Variants in EYS observed in about 807,000 individuals in gnomAD.
EYS encodes EGF-like photoreceptor maintenance factor.
Under a neutral mutation model 282.1 loss-of-function variants are expected in EYS, and 250 were observed. The ratio of observed to expected loss-of-function variants is 0.89; its 90% CI spans 0.80 to 0.98. The LOEUF is 0.98. Ranked by LOEUF, EYS falls within the 50% of genes least tolerant of loss-of-function variation. The pLI is 0.00. For missense variants in EYS, 4,016 were observed against 3,709.0 expected, an observed-to-expected ratio of 1.08 and a Z score of -2.15; for synonymous variants, 1,355 against 1,282.9, an observed-to-expected ratio of 1.06 and a Z score of -1.20.
At chr6:64,722,837 G>T (rs1321400372) in intron 22 of EYS, among the ~76,000 whole-genome samples, 1 of 152,006 alleles carries the variant, frequency 6.6e-6, no homozygotes, top group Admixed American at 6.6e-5. Flanking sequence ...ACATGAATAA[G>T]TTATATAAAG....
intron 19 of EYS, 104 bp downstream of exon 19, chr6:64,886,593 T>C (rs1201242580): frequency 2.2e-6 from 2 of 900,538 alleles, no homozygotes; most frequent in Non-Finnish European, 3.1e-6. Flanking sequence ...TTTTGCCCTG[T>C]TTGCATCTGG....
chr6:64,283,845 T>A (rs1317304980), intron 30 of EYS, among the ~76,000 whole-genome samples: 1 of 152,090 alleles, frequency 6.6e-6, no homozygotes, highest in East Asian at 1.9e-4. Context: ...AAACCCCTGA[T>A]AAACCCATCA....
At chr6:64,905,841 T>A (rs1486519169) in intron 16 of EYS, among the ~76,000 whole-genome samples, 1 of 152,058 alleles carries the variant, frequency 6.6e-6, no homozygotes, top group Non-Finnish European at 1.5e-5. Context: ...TTGGTATTAG[T>A]TGGAATAATT....
chr6:64,550,188 A>G (rs1367424480), intron 26 of EYS, among the ~76,000 whole-genome samples: 1 of 152,206 alleles, frequency 6.6e-6, no homozygotes. Flanking sequence ...ATAGTGGCGC[A>G]ATAAACATAC....
chr6:65,181,145 C>T lies in EYS; in HGVS notation c.2023+114718G>A, dbSNP rs539089501. 2.7e-3 allele frequency among the ~76,000 whole-genome samples: 409 copies of T among 152,078 alleles called. 5 individuals are homozygous for T. The highest frequency in any genetic ancestry group is 0.01 in the Middle Eastern group (3 of 294). ...GCAGTACCATTCAGGACATAGGCAT[C>T]GGCAAGGACTTCATGTCCAAAACAC... On this transcript the variant is annotated intron_variant, in intron 12 of 42. Coordinates refer to ENST00000503581, the MANE Select transcript of EYS (RefSeq NM_001142800.2).
rs1766387476 is a variant in EYS at position 64,590,960 on chromosome 6, G to T, written c.4907C>A (p.Ala1636Glu). The change falls in exon 26 of 43, where the codon GCA becomes GAA. Residue 1636 changes from alanine to glutamate, a missense_variant. Ala to Glu is a moderately radical substitution (Grantham distance 107). Coordinates refer to ENST00000503581, the MANE Select transcript of EYS (RefSeq NM_001142800.2). ...VPSLFPSKKSAKRTILSSSLE... is the reference protein window; with the variant it reads ...VPSLFPSKKSEKRTILSSSLE... ...GGATGAGGATAAAATTGTTCTTTTT[G>T]CACTCTTTTTAGAAGGAAATAAAGA... is the stretch of plus-strand genomic sequence containing the variant. The T allele has an allele frequency of 6.4e-7, 1 of 1,550,896 alleles. No homozygotes were observed. The highest frequency in any genetic ancestry group is 1.4e-5 in the African/African-American group (1 of 72,990).
intron 29 of EYS, among the ~76,000 whole-genome samples, chr6:64,346,146 G>C (rs1028411041): frequency 6.6e-6 from 1 of 151,832 alleles, no homozygotes; most frequent in Non-Finnish European, 1.5e-5. Context: ...CAGTGTGGTG[G>C]TTCCTCAGGG....
chr6:65,110,039 AC>A (rs547973684), intron 12 of EYS, among the ~76,000 whole-genome samples: 11 of 152,126 alleles, frequency 7.2e-5, no homozygotes, highest in Non-Finnish European at 1.6e-4. Flanking sequence ...AACATCTCAA[AC>A]TATGTTCTTG....
chr6:65,638,558 A>G (rs1247731442), intron 2 of EYS, among the ~76,000 whole-genome samples: 2 of 152,172 alleles, frequency 1.3e-5, no homozygotes, highest in Admixed American at 6.5e-5. Flanking sequence ...GTGCCACCGC[A>G]GTCCCCTCAT....
chr6:63,738,093 G>A (rs1291001889), intron 41 of EYS, among the ~76,000 whole-genome samples: 8 of 152,162 alleles, frequency 5.3e-5, no homozygotes, highest in Non-Finnish European at 1.2e-4. Context: ...AACAACAGGT[G>A]CTGGAGAGGA....
intron 21 of EYS, chr6:64,815,082 A>T: frequency 4.8e-6 from 1 of 208,986 alleles, no homozygotes; most frequent in Non-Finnish European, 1.0e-5. Flanking sequence ...CCACAATTAG[A>T]AATGAATTGT....
intron 15 of EYS, among the ~76,000 whole-genome samples, chr6:64,941,792 G>T (rs1386838593): frequency 6.6e-6 from 1 of 152,050 alleles, no homozygotes; most frequent in Admixed American, 6.6e-5. Context: ...ACATGACTTT[G>T]TTCTTCTTCA....
At chr6:65,042,345 T>C (rs1211772755) in intron 13 of EYS, among the ~76,000 whole-genome samples, 1 of 151,680 alleles carries the variant, frequency 6.6e-6, no homozygotes, top group East Asian at 1.9e-4. Context: ...GTCTAGTTCA[T>C]TGACATTTTA....
At chr6:65,031,247 C>T (rs951596750) in intron 13 of EYS, among the ~76,000 whole-genome samples, 1 of 151,294 alleles carries the variant, frequency 6.6e-6, no homozygotes, top group Non-Finnish European at 1.5e-5. Flanking sequence ...TCTTAGAGAT[C>T]TATGAAGAGA....
At chr6:64,319,206 T>C (rs1460032100) in intron 29 of EYS, among the ~76,000 whole-genome samples, 1 of 152,010 alleles carries the variant, frequency 6.6e-6, no homozygotes, top group East Asian at 1.9e-4. Flanking sequence ...TGGTTTGGAA[T>C]CAATTAAGAA....
At chr6:63,901,442 C>T (rs1773656772) in intron 35 of EYS, among the ~76,000 whole-genome samples, 1 of 152,034 alleles carries the variant, frequency 6.6e-6, no homozygotes, top group Non-Finnish European at 1.5e-5. Flanking sequence ...CAAATAAAGG[C>T]CCCTAGAACT....
At chr6:64,250,113 T>C (rs1767158806) in intron 30 of EYS, among the ~76,000 whole-genome samples, 1 of 152,254 alleles carries the variant, frequency 6.6e-6, no homozygotes, top group Admixed American at 6.5e-5. Context: ...CATCTGGTTC[T>C]AATAGTGTAT....
intron 35 of EYS, among the ~76,000 whole-genome samples, chr6:63,952,887 T>C: frequency 6.6e-6 from 1 of 152,096 alleles, no homozygotes; most frequent in East Asian, 1.9e-4. Context: ...ACAGCATGCT[T>C]TAAAAGGATT....
chr6:65,547,293 A>G (rs1431291759), intron 2 of EYS, among the ~76,000 whole-genome samples: 1 of 151,514 alleles, frequency 6.6e-6, no homozygotes, highest in Non-Finnish European at 1.5e-5. Flanking sequence ...TGGCTGCATG[A>G]TATGAATCTA....
Sources: gnomAD v4.1 joint callset for allele counts (sites outside exome capture counted in the v4.1 genomes callset) on GRCh38, gnomAD v4.1.1 for gene constraint, MANE v1.5 for transcripts, NCBI Gene and HGNC (gene_info 2026-07-23, HGNC 2026-07-21) for gene names.